The following SBNO1 variants were observed in gnomAD, a reference collection of about 807,000 sequenced individuals.
The protein encoded by SBNO1 is protein strawberry notch homolog 1.
In SBNO1, 23 loss-of-function variants were observed where a neutral mutation model predicts 173.6. The ratio of observed to expected loss-of-function variants is 0.13; its 90% CI spans 0.10 to 0.19. The LOEUF is 0.19. SBNO1 is among the 10% of genes least tolerant of loss of function. The pLI, the probability that SBNO1 is intolerant of heterozygous loss-of-function variation, is 1.00. For synonymous variants in SBNO1, 632 were observed against 571.5 expected, an observed-to-expected ratio of 1.11 and a Z score of -1.51; for missense variants, 1,238 against 1,671.2, an observed-to-expected ratio of 0.74 and a Z score of 4.52.
At position 123,293,124 on chromosome 12, in the gene SBNO1, C is replaced by T. The variant is rs1182445031; in HGVS notation, c.*2784G>A. The T allele has an allele frequency of 6.6e-6, 1 of 152,176 alleles. No homozygotes were observed. The highest frequency in any genetic ancestry group is 2.1e-4 in the South Asian group (1 of 4,834). 9.4% of individuals were successfully genotyped at this position (152,176 alleles called of 1,614,324 possible). ...TATTGCTAAAAAGAAAAAGGCATTGCAGAGGCAAAGTGGACATGGGGTTAA... is the reference window on the plus strand; with the variant it reads ...TATTGCTAAAAAGAAAAAGGCATTGTAGAGGCAAAGTGGACATGGGGTTAA... On this transcript the variant is annotated 3_prime_UTR_variant, in exon 32 of 32. Coordinates refer to ENST00000602398, the MANE Select transcript of SBNO1 (RefSeq NM_001167856.3).
At position 123,311,103 on chromosome 12, in the gene SBNO1, C is replaced by G. The variant is rs1868438990; in HGVS notation, c.3247G>C (p.Gly1083Arg). 6.2e-7 allele frequency: 1 copy of G among 1,613,588 alleles called. No homozygotes were observed. The highest frequency in any genetic ancestry group is 8.5e-7 in the Non-Finnish European group (1 of 1,179,582). The stretch of plus-strand genomic sequence containing the variant: ...GAGCGATCTTCTACATTTATCAGGC[C>G]AACGCCTATCAGTCCTTGTCGAACA... ...KDVRQGLIGV[G>R]LINVEDRSGI... The change falls in exon 25 of 32, where the codon GGC becomes CGC. Residue 1083 changes from glycine (G) to arginine (R), a missense_variant. Gly to Arg is a moderately radical substitution (Grantham distance 125). This residue lies in a region of SBNO1 where 351 missense variants were observed against 420.3 expected (regional missense o/e 0.84). Coordinates refer to ENST00000602398, the MANE Select transcript of SBNO1 (RefSeq NM_001167856.3).
chr12:123,361,408 C>CGTGGT (rs1192008288), intron 1 of SBNO1, among the ~76,000 whole-genome samples: 1 of 151,806 alleles, frequency 6.6e-6, no homozygotes, highest in Non-Finnish European at 1.5e-5. Context: ...GTTAACCAGA[C>CGTGGT]GTGGTGGCTC....
chr12:123,307,020 TAAAA>T (rs34105162), intron 28 of SBNO1, among the ~76,000 whole-genome samples: 3 of 64,432 alleles, frequency 4.7e-5, no homozygotes, highest in African/African-American at 1.8e-4. Context: ...TCAACTGCAT[TAAAA>T]AAAAAAAAAA....
intron 4 of SBNO1, among the ~76,000 whole-genome samples, chr12:123,342,278 A>T (rs1329932854): frequency 6.6e-6 from 1 of 151,620 alleles, no homozygotes; most frequent in Non-Finnish European, 1.5e-5. Flanking sequence ...AATTAATTAA[A>T]ATTTAAAAAA....
chr12:123,310,182 C>T (rs948797399), intron 25 of SBNO1, among the ~76,000 whole-genome samples: 1 of 152,180 alleles, frequency 6.6e-6, no homozygotes, highest in African/African-American at 2.4e-5. Flanking sequence ...TGTCTGGGAG[C>T]TTTGGAAAAC....
At chr12:123,358,599 C>T (rs1874731200) in intron 1 of SBNO1, among the ~76,000 whole-genome samples, 1 of 151,680 alleles carries the variant, frequency 6.6e-6, no homozygotes, top group Non-Finnish European at 1.5e-5. Flanking sequence ...AAAAATTAGC[C>T]GGGCGCGGTG....
Position 123,364,225 on chromosome 12 carries a change from C to G in SBNO1, c.-1+476G>C, listed in dbSNP as rs1398274031. 6.1e-6 allele frequency: 6 copies of G among 985,494 alleles called. 1 individual carries two copies. In the African/African-American group the frequency reaches 1.0e-4, roughly 17 times the overall value. The allele number at this position is 985,494 out of a possible 1,614,324, so 61.0% of individuals were successfully genotyped here. On this transcript the variant is annotated intron_variant, in intron 1 of 31. Coordinates refer to ENST00000602398, the MANE Select transcript of SBNO1 (RefSeq NM_001167856.3). ...GGAAGGACGACCGCGTCGCCTGCCT[C>G]CCTCCCTCGCCCAGAGCCGGGAGCA...
chr12:123,302,961 G>A (rs1247369103), intron 29 of SBNO1, 61 bp from the exon 30 acceptor site: 97 of 1,248,304 alleles, frequency 7.8e-5, no homozygotes, highest in Admixed American at 1.8e-5. Context: ...TGGTTACCTA[G>A]TCTGGTCTGT....
chr12:123,327,452 T>G lies in SBNO1; in HGVS notation c.1666A>C (p.Lys556Gln). The change falls in exon 13 of 32, where the codon AAA (lysine) becomes CAA (glutamine). Residue 556 changes from lysine to glutamine, a missense_variant. By Grantham distance (53) the Lys-to-Gln change is moderately conservative (BLOSUM62 1). Coordinates refer to ENST00000602398, the MANE Select transcript of SBNO1 (RefSeq NM_001167856.3). Reference protein sequence around the residue: ...EEVLLSQSYVKMYNKAVKLWV... With the variant: ...EEVLLSQSYVQMYNKAVKLWV... Reference sequence around the variant, plus strand: ...AGCTTGACAGCTTTGTTATACATTTTAACGTAGCTCTGAGAAAGAAGAACT... The same window carrying G: ...AGCTTGACAGCTTTGTTATACATTTGAACGTAGCTCTGAGAAAGAAGAACT... 2.5e-6 allele frequency: 4 copies of G among 1,613,698 alleles called. No individual in the cohort carries two copies. The highest frequency in any genetic ancestry group is 3.4e-6 in the Non-Finnish European group (4 of 1,179,856).
intron 19 of SBNO1, 27 bp downstream of exon 19, chr12:123,320,405 G>A: frequency 3.8e-6 from 6 of 1,582,550 alleles, no homozygotes; most frequent in Non-Finnish European, 5.2e-6. Context: ...TGGCAAAAAT[G>A]TCACCAAGAG....
chr12:123,351,132 A>G, intron 1 of SBNO1, among the ~76,000 whole-genome samples: 1 of 151,152 alleles, frequency 6.6e-6, no homozygotes, highest in Non-Finnish European at 1.5e-5. Context: ...AAAAAAAAAA[A>G]AAAAGAAAAA....
chr12:123,305,692 C>G (rs776074353), intron 28 of SBNO1, among the ~76,000 whole-genome samples: 2 of 152,074 alleles, frequency 1.3e-5, no homozygotes, highest in Non-Finnish European at 2.9e-5. Context: ...AGGCTGGTCT[C>G]AAACTCCTGA....
At chr12:123,360,724 G>A (rs1483741621) in intron 1 of SBNO1, among the ~76,000 whole-genome samples, 1 of 151,928 alleles carries the variant, frequency 6.6e-6, no homozygotes, top group East Asian at 1.9e-4. Flanking sequence ...GATTACAGGC[G>A]TGCACCACCA....
intron 17 of SBNO1, 116 bp downstream of exon 17, chr12:123,321,419 A>G (rs1393166162): frequency 1.3e-6 from 1 of 782,446 alleles, no homozygotes; most frequent in African/African-American, 1.7e-5. Context: ...TCCACCAAGC[A>G]AAGATTATAA....
chr12:123,318,952 A>T lies in SBNO1; in HGVS notation c.2799+948T>A, dbSNP rs977844931. 5.3e-4 allele frequency among the ~76,000 whole-genome samples: 80 copies of T among 151,406 alleles called. 1 individual carries two copies. Among genetic ancestry groups the T allele is most frequent in the Admixed American group, 3.3e-4 (5 of 15,112 alleles). On this transcript the variant is annotated intron_variant, in intron 20 of 31. Transcript: ENST00000602398. ...TGACATTAGATGTCACAACACCAAG[A>T]TGAACTAAGGGAACGTTTTTTTTTT...
intron 7 of SBNO1, among the ~76,000 whole-genome samples, chr12:123,332,783 T>C (rs1593378732): frequency 6.6e-6 from 1 of 151,954 alleles, no homozygotes; most frequent in Non-Finnish European, 1.5e-5. Flanking sequence ...GCCAGGCTGG[T>C]CTCTAACTCC....
At chr12:123,306,366 T>C (rs530283759) in intron 28 of SBNO1, among the ~76,000 whole-genome samples, 42 of 152,166 alleles carry the variant, frequency 2.8e-4, no homozygotes, top group Admixed American at 2.0e-3. Context: ...CCTAATGCAG[T>C]GGAGGTTCAA....
At chr12:123,319,178 C>T (rs1009107626) in intron 20 of SBNO1, among the ~76,000 whole-genome samples, 2 of 151,856 alleles carry the variant, frequency 1.3e-5, no homozygotes, top group East Asian at 3.9e-4. Flanking sequence ...TGTTTGCCAG[C>T]CTGGTCTTGA....
rs1023742119 is a variant in SBNO1, at chr12:123,293,134, G to A, written c.*2774C>T. Reference sequence around the variant, plus strand: ...AAGAAAAAGGCATTGCAGAGGCAAAGTGGACATGGGGTTAATTAAACAAGG... The same window carrying A: ...AAGAAAAAGGCATTGCAGAGGCAAAATGGACATGGGGTTAATTAAACAAGG... On this transcript the variant is annotated 3_prime_UTR_variant, in exon 32 of 32. Coordinates refer to ENST00000602398, the MANE Select transcript of SBNO1 (RefSeq NM_001167856.3). The A allele has an allele frequency of 6.6e-6, 1 of 152,214 alleles. No homozygotes were observed. Among genetic ancestry groups the A allele is most frequent in the Admixed American group, 6.5e-5 (1 of 15,276 alleles). The allele number at this position is 152,214 out of a possible 1,614,324, so 9.4% of individuals were successfully genotyped here.
Sources: gnomAD v4.1 joint callset for allele counts (sites outside exome capture counted in the v4.1 genomes callset) on GRCh38, gnomAD v4.1.1 for gene constraint, gnomAD v4.1.1 regional missense constraint, MANE v1.5 for transcripts, NCBI Gene and HGNC (gene_info 2026-07-23, HGNC 2026-07-21) for gene names.